The following CDC42BPA variants were observed in gnomAD, a reference collection of about 807,000 sequenced individuals.
CDC42BPA encodes the protein CDC42 binding protein kinase alpha, also known as serine/threonine-protein kinase MRCK alpha.
In CDC42BPA, 80 loss-of-function variants were observed where a neutral mutation model predicts 223.5. The observed-to-expected ratio is 0.36, with a 90% CI of 0.30 to 0.43. The LOEUF is 0.43. Ranked by LOEUF, CDC42BPA falls within the 20% of genes least tolerant of loss-of-function variation. The pLI is 1.00. For synonymous variants in CDC42BPA, 694 were observed against 718.6 expected (o/e 0.97, Z 0.55); for missense variants, 1,743 against 2,099.9 (o/e 0.83, Z 3.32).
At chr1:227,198,478 A>T (rs4462106) in intron 4 of CDC42BPA, among the ~76,000 whole-genome samples, 1 of 92,552 alleles carries the variant, frequency 1.1e-5, no homozygotes, top group South Asian at 4.1e-4. Context: ...AAGAAAGAAA[A>T]AAAATGTTGC....
intron 5 of CDC42BPA, among the ~76,000 whole-genome samples, chr1:227,187,715 C>T (rs904235876): frequency 9.8e-6 from 1 of 102,258 alleles, no homozygotes; most frequent in African/African-American, 3.9e-5. Context: ...TACCTAGGCA[C>T]ACCATTTTCA....
intron 5 of CDC42BPA, among the ~76,000 whole-genome samples, chr1:227,185,753 C>CA (rs1668671512): frequency 1.9e-4 from 5 of 26,178 alleles, no homozygotes; most frequent in Middle Eastern, 0.038. Context: ...GTGTCCATGT[C>CA]GTTTTTTTTC....
chr1:227,177,331 C>T (rs1404558839), intron 5 of CDC42BPA, among the ~76,000 whole-genome samples: 1 of 152,082 alleles, frequency 6.6e-6, no homozygotes, highest in African/African-American at 2.4e-5. Context: ...ATGTCTCCCC[C>T]TCACCCCCAC....
At chr1:227,185,991 C>A (rs554031838) in intron 5 of CDC42BPA, among the ~76,000 whole-genome samples, 1 of 152,290 alleles carries the variant, frequency 6.6e-6, no homozygotes, top group South Asian at 2.1e-4. Flanking sequence ...AGTAAGGTCA[C>A]AGGGCAAACT....
intron 9 of CDC42BPA, among the ~76,000 whole-genome samples, chr1:227,140,866 A>T (rs1465166523): frequency 1.3e-5 from 2 of 152,198 alleles, no homozygotes; most frequent in Non-Finnish European, 1.5e-5. Context: ...GTCATCAGCA[A>T]ATCTTTGGGA....
chr1:227,002,535 T>G (rs1228618205), intron 35 of CDC42BPA, among the ~76,000 whole-genome samples: 2 of 152,244 alleles, frequency 1.3e-5, no homozygotes, highest in African/African-American at 4.8e-5. Context: ...TTCACTCGTA[T>G]GTAGTCCCTT....
chr1:227,103,626 A>G (rs1266641546), intron 14 of CDC42BPA, among the ~76,000 whole-genome samples: 1 of 152,146 alleles, frequency 6.6e-6, no homozygotes. Flanking sequence ...ATATTAAAAC[A>G]TACTATAACT....
At chr1:227,072,891 T>C (rs918138841) in intron 19 of CDC42BPA, among the ~76,000 whole-genome samples, 2 of 152,120 alleles carry the variant, frequency 1.3e-5, no homozygotes, top group African/African-American at 4.8e-5. Context: ...TATGCTGGGA[T>C]CAATTCACTT....
intron 14 of CDC42BPA, among the ~76,000 whole-genome samples, chr1:227,106,285 T>A (rs1172395992): frequency 1.3e-5 from 2 of 152,130 alleles, no homozygotes; most frequent in Non-Finnish European, 2.9e-5. Context: ...ATTTTTTGAT[T>A]GAGTTGTCTT....
intron 3 of CDC42BPA, among the ~76,000 whole-genome samples, chr1:227,211,696 A>G (rs1237011895): frequency 6.6e-6 from 1 of 152,138 alleles, no homozygotes; most frequent in East Asian, 1.9e-4. Context: ...GTTCTCATTT[A>G]TAAGTGGAAG....
chr1:227,032,743 T>A (rs34413322), intron 27 of CDC42BPA, among the ~76,000 whole-genome samples: 4,802 of 152,144 alleles, frequency 0.032, 227 homozygotes, highest in African/African-American at 0.11. Context: ...AGAGACCACA[T>A]GGAGGGAGTT....
intron 35 of CDC42BPA, among the ~76,000 whole-genome samples, chr1:226,998,482 G>C (rs564990967): frequency 1.3e-4 from 20 of 152,216 alleles, no homozygotes; most frequent in African/African-American, 4.3e-4. Flanking sequence ...GGCCTCAGAA[G>C]TAATGCCACG....
chr1:227,103,172 AT>A (rs1258914274), intron 14 of CDC42BPA, among the ~76,000 whole-genome samples: 3 of 152,124 alleles, frequency 2.0e-5, no homozygotes, highest in Non-Finnish European at 4.4e-5. Flanking sequence ...AGTTAAAAAA[AT>A]GAATATTGTA....
chr1:227,206,425 G>A (rs1001941491), intron 3 of CDC42BPA, among the ~76,000 whole-genome samples: 5 of 152,068 alleles, frequency 3.3e-5, no homozygotes, highest in African/African-American at 9.7e-5. Context: ...TGAGTAACCC[G>A]TATATCATTA....
intron 3 of CDC42BPA, among the ~76,000 whole-genome samples, chr1:227,204,375 CAG>C (rs1672305663): frequency 1.3e-5 from 2 of 152,034 alleles, no homozygotes; most frequent in African/African-American, 4.8e-5. Context: ...TGTGAGAAAA[CAG>C]ACATGTTTAC....
chr1:227,209,465 T>G (rs28793581), intron 3 of CDC42BPA, among the ~76,000 whole-genome samples: 1 of 130,144 alleles, frequency 7.7e-6, no homozygotes, highest in Non-Finnish European at 1.6e-5. Context: ...CCAGCTTTTG[T>G]CCATTCAGTA....
rs118061901 is a variant in CDC42BPA, at chr1:227,072,573, C to T, written c.2736-274G>A. Among the ~76,000 whole-genome samples, 333 of 152,032 alleles carry T rather than the reference C, an allele frequency of 2.2e-3. 9 individuals carry two copies. The East Asian group carries it at 0.045, about 20-fold the overall frequency. On this transcript the variant is annotated intron_variant, in intron 19 of 36. Transcript: ENST00000366766. ...ATGAGAAGCTGTGATGGAAGCTAATCAAAGCCTAAAATATTTACTAAATGA... is the reference window on the plus strand; with the variant it reads ...ATGAGAAGCTGTGATGGAAGCTAATTAAAGCCTAAAATATTTACTAAATGA...
chr1:227,276,008 T>C (rs988863652), intron 1 of CDC42BPA, among the ~76,000 whole-genome samples: 3 of 152,088 alleles, frequency 2.0e-5, no homozygotes, highest in African/African-American at 7.2e-5. Flanking sequence ...GATGGCAGCC[T>C]CTGCCCAGCC....
In CDC42BPA at chr1:226,994,464, G is replaced by C; in HGVS notation, c.5134-65C>G. 6.9e-7 allele frequency: 1 copy of C among 1,451,018 alleles called. No individual in the cohort carries two copies. Among genetic ancestry groups the C allele is most frequent in the Non-Finnish European group, 9.1e-7 (1 of 1,096,602 alleles). 89.9% of individuals were successfully genotyped at this position (1,451,018 alleles called of 1,614,324 possible). A position where few individuals can be genotyped will look rare whatever the true frequency, so the allele number is the denominator to read the frequency against. On this transcript the variant is annotated intron_variant, in intron 36 of 36. Coordinates refer to ENST00000366766, the MANE Select transcript of CDC42BPA (RefSeq NM_001394014.1). The surrounding 1 kb of genome is among the most constrained non-coding windows in gnomAD (Gnocchi z 4.0). Reference sequence around the variant, plus strand: ...GAGAAAGGGAGGCAGAAGGGGCTCAGATTACCACCGCCCCCTCCAGCCACC... The same window carrying C: ...GAGAAAGGGAGGCAGAAGGGGCTCACATTACCACCGCCCCCTCCAGCCACC...
Sources: gnomAD v4.1 joint callset for allele counts (sites outside exome capture counted in the v4.1 genomes callset) on GRCh38, gnomAD v4.1.1 for gene constraint, Gnocchi (gnomAD v3.1) non-coding constraint, MANE v1.5 for transcripts, NCBI Gene and HGNC (gene_info 2026-07-23, HGNC 2026-07-21) for gene names.